GABRG3: variants seen among roughly 807,000 people sequenced by gnomAD.
GABRG3 encodes gamma-aminobutyric acid type A receptor subunit gamma3.
A neutral mutation model predicts 48.8 loss-of-function variants in GABRG3; 25 were observed. The observed-to-expected ratio is 0.51, with a 90% CI of 0.37 to 0.72. GABRG3 has a LOEUF of 0.72. GABRG3 is among the 30% of genes least tolerant of loss of function. The pLI is 0.00. For synonymous variants in GABRG3, 227 were observed against 217.6 expected (o/e 1.04, Z -0.38); for missense variants, 394 against 577.9 (o/e 0.68, Z 3.26).
At chr15:27,193,715 C>A (rs1003310114) in intron 3 of GABRG3, among the ~76,000 whole-genome samples, 1 of 151,812 alleles carries the variant, frequency 6.6e-6, no homozygotes, top group Non-Finnish European at 1.5e-5. Context: ...GTGCACGGTG[C>A]GCTGCACCCA....
intron 3 of GABRG3, among the ~76,000 whole-genome samples, chr15:27,142,240 G>T (rs547871506): frequency 6.6e-6 from 1 of 152,278 alleles, no homozygotes; most frequent in South Asian, 2.1e-4. Context: ...GTAGAACAAT[G>T]TATTAGTCCG....
intron 3 of GABRG3, among the ~76,000 whole-genome samples, chr15:27,269,079 A>G (rs1369140015): frequency 2.0e-5 from 3 of 152,142 alleles, no homozygotes; most frequent in South Asian, 2.1e-4. Flanking sequence ...CATCTTGGCC[A>G]GAAGCATGAA....
chr15:27,062,726 C>G (rs1021622260), intron 3 of GABRG3, among the ~76,000 whole-genome samples: 1 of 152,048 alleles, frequency 6.6e-6, no homozygotes, highest in Admixed American at 6.6e-5. Flanking sequence ...ATCCTTTAAC[C>G]AGATGTTTTA....
At chr15:27,406,599 A>G (rs1485430041) in intron 5 of GABRG3, among the ~76,000 whole-genome samples, 1 of 152,132 alleles carries the variant, frequency 6.6e-6, no homozygotes, top group Non-Finnish European at 1.5e-5. Context: ...CCTGACCAGT[A>G]CTCCTCAAAA....
rs909078398 is a variant in GABRG3 at position 26,976,595 on chromosome 15, A to G, written c.54-407A>G. Among the ~76,000 whole-genome samples, 1 of 152,172 alleles carries G rather than the reference A, an allele frequency of 6.6e-6. No individual in the cohort carries two copies. The highest frequency in any genetic ancestry group is 1.9e-4 in the East Asian group (1 of 5,174). ...CAACGAAAATGAGGTCTTGGTGGTC[A>G]GGGTGGAAACACCACGATGCAGTCA... On this transcript the variant is annotated intron_variant, in intron 1 of 9. Transcript: ENST00000615808. The surrounding 1 kb of genome is among the most constrained non-coding windows in gnomAD (Gnocchi z 7.8).
intron 3 of GABRG3, among the ~76,000 whole-genome samples, chr15:27,266,054 A>G (rs7172241): frequency 0.011 from 1,640 of 151,564 alleles, 25 homozygotes; most frequent in East Asian, 0.058. Flanking sequence ...CTAATTTTAT[A>G]TTTTTAGAAG....
At chr15:27,267,434 G>T (rs1213231375) in intron 3 of GABRG3, among the ~76,000 whole-genome samples, 3 of 134,820 alleles carry the variant, frequency 2.2e-5, no homozygotes, top group Non-Finnish European at 4.8e-5. Flanking sequence ...TATCATGTTA[G>T]CTCAAGGATT....
In GABRG3 at chr15:27,527,582, T is replaced by A; in HGVS notation, c.1015T>A (p.Tyr339Asn). 6.2e-7 allele frequency: 1 copy of A among 1,613,472 alleles called. No individual in the cohort carries two copies. Among genetic ancestry groups the A allele is most frequent in the Non-Finnish European group, 8.5e-7 (1 of 1,179,672 alleles). Residue 339 changes from tyrosine to asparagine, a missense_variant, in exon 8 of 10, where the codon TAC (tyrosine) becomes AAC (asparagine). This residue lies in a region of GABRG3 where 126 missense variants were observed against 155.5 expected (regional missense o/e 0.81). Transcript: ENST00000615808. ...GCTGATGGAGTATGCCACCCTCAACTACTATTCCAGCTGTAGAAAACCAAC... is the reference window on the plus strand; with the variant it reads ...GCTGATGGAGTATGCCACCCTCAACAACTATTCCAGCTGTAGAAAACCAAC... ...AALMEYATLN[Y>N]YSSCRKPTTT...
intron 3 of GABRG3, among the ~76,000 whole-genome samples, chr15:27,151,254 A>C (rs538250517): frequency 3.3e-5 from 5 of 151,932 alleles, no homozygotes; most frequent in African/African-American, 9.7e-5. Flanking sequence ...CTCACTCCCT[A>C]CTTAACTCCT....
At chr15:27,307,261 T>A (rs867000526) in intron 3 of GABRG3, among the ~76,000 whole-genome samples, 1 of 40,118 alleles carries the variant, frequency 2.5e-5, no homozygotes, top group East Asian at 4.9e-4. Flanking sequence ...CATGTTCATA[T>A]TATATGTTTA....
At chr15:27,171,485 TTGTG>T (rs1260600382) in intron 3 of GABRG3, among the ~76,000 whole-genome samples, 2 of 142,674 alleles carry the variant, frequency 1.4e-5, no homozygotes, top group Non-Finnish European at 3.0e-5. Flanking sequence ...TCTCCCCAAA[TTGTG>T]TGTGTGTGCA....
chr15:27,491,749 C>G (rs367952306), intron 6 of GABRG3, among the ~76,000 whole-genome samples: 2 of 152,068 alleles, frequency 1.3e-5, no homozygotes, highest in Non-Finnish European at 2.9e-5. Flanking sequence ...AAAGTGTGAT[C>G]AGAACAAAAA....
chr15:27,248,945 G>T (rs931153096), intron 3 of GABRG3, among the ~76,000 whole-genome samples: 4 of 152,116 alleles, frequency 2.6e-5, no homozygotes, highest in African/African-American at 9.7e-5. Flanking sequence ...TCGGCGACTG[G>T]CCCCGGAGGC....
rs921525292 is a variant in GABRG3, at chr15:27,005,016, C to T, written c.203-21738C>T. Among the ~76,000 whole-genome samples the T allele has an allele frequency of 5.7e-4, 86 of 152,170 alleles. 1 individual carries two copies. Among genetic ancestry groups the T allele is most frequent in the African/African-American group, 2.0e-3 (83 of 41,524 alleles). On this transcript the variant is annotated intron_variant, in intron 2 of 9. Transcript: ENST00000615808. Reference sequence around the variant, plus strand: ...TGGAAAGGCAAGAATAGCTGGGCCCCTCCGGGTGGTCATGCAAAGATAGCA... The same window carrying T: ...TGGAAAGGCAAGAATAGCTGGGCCCTTCCGGGTGGTCATGCAAAGATAGCA...
chr15:27,111,955 C>T (rs1595531295), intron 3 of GABRG3, among the ~76,000 whole-genome samples: 1 of 73,312 alleles, frequency 1.4e-5, no homozygotes, highest in Non-Finnish European at 4.0e-5. Flanking sequence ...TGTTTTACAA[C>T]AGTTACACTC....
intron 3 of GABRG3, among the ~76,000 whole-genome samples, chr15:27,240,057 C>A (rs1020400058): frequency 6.6e-5 from 10 of 152,190 alleles, no homozygotes; most frequent in Admixed American, 3.9e-4. Flanking sequence ...TAATTAGTGT[C>A]ATCAATTACT....
intron 2 of GABRG3, 78 bp downstream of exon 2, chr15:26,977,228 A>C (rs1894968540): frequency 2.8e-6 from 4 of 1,429,170 alleles, no homozygotes; most frequent in Non-Finnish European, 2.9e-6. Context: ...GTAATTGTGA[A>C]TTCCAAGAGT....
intron 3 of GABRG3, among the ~76,000 whole-genome samples, chr15:27,162,272 C>T (rs1025889200): frequency 3.3e-5 from 5 of 152,112 alleles, no homozygotes; most frequent in East Asian, 3.9e-4. Context: ...TTAGGGATCA[C>T]GCTGAGTGTA....
chr15:27,489,747 G>A (rs994641606), intron 6 of GABRG3, among the ~76,000 whole-genome samples: 3 of 152,014 alleles, frequency 2.0e-5, no homozygotes, highest in African/African-American at 7.2e-5. Context: ...GTAAATTTAA[G>A]TTCTTTGTAG....
Sources: allele counts gnomAD v4.1 joint callset (sites outside exome capture counted in the v4.1 genomes callset), GRCh38; gene constraint gnomAD v4.1.1; regional missense constraint gnomAD v4.1.1; non-coding constraint Gnocchi (gnomAD v3.1); transcripts MANE v1.5; gene names NCBI Gene and HGNC (gene_info 2026-07-23, HGNC 2026-07-21).